The following HAUS7 variants were observed in gnomAD, a reference collection of about 807,000 sequenced individuals.
HAUS7 encodes the protein HAUS augmin like complex subunit 7, also known as HAUS augmin-like complex subunit 7.
In HAUS7, 3 loss-of-function variants were observed where a neutral mutation model predicts 28.4. The observed-to-expected ratio is 0.11, with a 90% CI of 0.05 to 0.27. The LOEUF (loss-of-function observed/expected upper bound fraction) is 0.27, where lower values mean the gene tolerates loss of function less well. Among genes scored for constraint, HAUS7 ranks in the 10% least tolerant of loss-of-function variants. The probability of loss-of-function intolerance (pLI) is 1.00; values close to 1 mark genes in which losing one functional copy is unlikely to be tolerated. For synonymous variants in HAUS7, 165 were observed against 132.1 expected (o/e 1.25, Z -1.71); for missense variants, 284 against 297.3 (o/e 0.96, Z 0.33).
chrX:153,477,358 G>A (rs782133974), intron 1 of HAUS7, among the ~76,000 whole-genome samples: 10 of 113,253 alleles, frequency 8.8e-5, no homozygotes, highest in African/African-American at 1.3e-4. Flanking sequence ...GAGGGGCGGA[G>A]CCGGGGTTCC....
At chrX:153,468,082 G>A (rs373175138) in intron 2 of HAUS7, among the ~76,000 whole-genome samples, 2 of 112,398 alleles carry the variant, frequency 1.8e-5, no homozygotes, top group Middle Eastern at 4.6e-3. Context: ...CTGAGGAAGG[G>A]CCTAGAAGGC....
At position 153,455,911 on chromosome X, in the gene HAUS7, A is replaced by G. The variant is rs1247620036; in HGVS notation, c.706-145T>C. On this transcript the variant is annotated intron_variant, in intron 7 of 9. Transcript: ENST00000370211. Reference sequence around the variant, plus strand: ...ACAGGGGAGCTGTACCGAGCGACTCAGGCCAGAGCAAGACCTTCTGGCTCC... The same window carrying G: ...ACAGGGGAGCTGTACCGAGCGACTCGGGCCAGAGCAAGACCTTCTGGCTCC... The G allele has an allele frequency of 1.6e-5, 7 of 450,766 alleles. No homozygotes were observed. The East Asian group carries it at 2.6e-4, about 17-fold the overall frequency. The allele number at this position is 450,766 out of a possible 1,213,427, so 37.1% of individuals were successfully genotyped here.
chrX:153,469,135 T>C lies in HAUS7; in HGVS notation c.224+11A>G, dbSNP rs934362137. ...ACCCCAGGTGGGAAGAGGAAGAAAC[T>C]GATGCATTACCGGGTACACATCCAC... On this transcript the variant is annotated intron_variant, in intron 2 of 9. Coordinates refer to ENST00000370211, the MANE Select transcript of HAUS7 (RefSeq NM_001385482.1). The C allele has an allele frequency of 5.0e-6, 5 of 1,006,222 alleles. 1 individual carries two copies. In the South Asian group the frequency reaches 9.6e-5, roughly 19 times the overall value. 82.9% of individuals were successfully genotyped at this position (1,006,222 alleles called of 1,213,427 possible).
At chrX:153,492,375 G>A (rs908114405) in intron 1 of HAUS7, among the ~76,000 whole-genome samples, 1 of 111,758 alleles carries the variant, frequency 8.9e-6, no homozygotes, top group Non-Finnish European at 1.9e-5. Context: ...GTCTGGTCTG[G>A]GAGTGGCCCC....
At chrX:153,457,085 G>A in intron 5 of HAUS7, 52 bp downstream of exon 5, 2 of 816,244 alleles carry the variant, frequency 2.5e-6, no homozygotes. Context: ...TCCAGAACTA[G>A]GACCAAGAGA....
At chrX:153,461,435 ACT>A (rs1293084694) in intron 4 of HAUS7, 1 of 108,087 alleles carries the variant, frequency 9.3e-6, no homozygotes, top group Admixed American at 1.0e-4. Flanking sequence ...GCCTGTGGAG[ACT>A]CTCTGTACTT....
At chrX:153,456,705 C>G (rs2089317158) in intron 5 of HAUS7, 54 bp from the exon 6 acceptor site, 1 of 1,002,389 alleles carries the variant, frequency 1.0e-6, no homozygotes, top group African/African-American at 1.9e-5. Context: ...ACTCGCCCAG[C>G]AGGCCCTCAG....
chrX:153,494,245 T>A (rs1556990195), intron 1 of HAUS7, among the ~76,000 whole-genome samples: 3 of 112,301 alleles, frequency 2.7e-5, no homozygotes, highest in Non-Finnish European at 5.6e-5. Context: ...ACAGAGTGGT[T>A]CTCATGTCCG....
At chrX:153,477,948 C>A (rs782685661) in intron 1 of HAUS7, among the ~76,000 whole-genome samples, 2 of 112,434 alleles carry the variant, frequency 1.8e-5, no homozygotes, top group Non-Finnish European at 3.8e-5. Flanking sequence ...AGCCCTGCAC[C>A]CCTCTGGATC....
chrX:153,450,156 T>G (rs546259752), intron 9 of HAUS7, among the ~76,000 whole-genome samples: 4 of 110,922 alleles, frequency 3.6e-5, no homozygotes, highest in African/African-American at 1.3e-4. Context: ...TTTGGAGGAG[T>G]TCCATGGAGG....
In HAUS7 at chrX:153,486,102, GC is replaced by G. The variant is rs1270230790; in HGVS notation, c.-589+9271del. On this transcript the variant is annotated intron_variant, in intron 1 of 5. Coordinates refer to the HAUS7 transcript ENST00000370210. Reference sequence around the variant, plus strand: ...CTGAGCCACAACAGGATCAGGTAGGGCCCCCCTCCTCGACCCCACACCTGTG... The same window carrying G: ...CTGAGCCACAACAGGATCAGGTAGGGCCCCCTCCTCGACCCCACACCTGTG... 1.9e-5 allele frequency: 18 copies of G among 936,546 alleles called. No homozygotes were observed. The South Asian group carries it at 3.4e-4, about 18-fold the overall frequency. 77.2% of individuals were successfully genotyped at this position (936,546 alleles called of 1,213,427 possible). A position where few individuals can be genotyped will look rare whatever the true frequency, so the allele number is the denominator to read the frequency against.
chrX:153,463,731 G>A (rs1407639297), intron 3 of HAUS7, among the ~76,000 whole-genome samples: 2 of 112,692 alleles, frequency 1.8e-5, no homozygotes, highest in Non-Finnish European at 3.8e-5. Flanking sequence ...CCTCCTTCTT[G>A]TGCCTCCAAG....
intron 4 of HAUS7, among the ~76,000 whole-genome samples, chrX:153,458,634 C>G (rs781846376): frequency 2.7e-5 from 3 of 112,140 alleles, no homozygotes; most frequent in Non-Finnish European, 5.6e-5. Flanking sequence ...TGCTGGGTCA[C>G]GGGGTAACTG....
Position 153,479,350 on chromosome X carries a change from CT to C in HAUS7, c.-588-8206del, listed in dbSNP as rs782261726. On this transcript the variant is annotated intron_variant, in intron 1 of 5. Transcript: ENST00000370210. The stretch of plus-strand genomic sequence containing the variant: ...ACCAACCCCCATGGGCTTGGCTACC[CT>C]GCAGCTGCTGCCCAGCCCACCAGGG... 229 of 753,465 alleles carry C rather than the reference CT, an allele frequency of 3.0e-4. No individual in the cohort carries two copies. The African/African-American group carries it at 4.9e-3, about 16-fold the overall frequency. 62.1% of individuals were successfully genotyped at this position (753,465 alleles called of 1,213,427 possible). A position where few individuals can be genotyped will look rare whatever the true frequency, so the allele number is the denominator to read the frequency against.
chrX:153,486,399 C>T (rs1439407077), intron 1 of HAUS7, among the ~76,000 whole-genome samples: 2 of 112,618 alleles, frequency 1.8e-5, no homozygotes, highest in African/African-American at 6.4e-5. Context: ...GGGCTCCAGC[C>T]TGGAGCGACA....
At chrX:153,459,796 G>C (rs1360781735) in intron 4 of HAUS7, among the ~76,000 whole-genome samples, 10 of 112,448 alleles carry the variant, frequency 8.9e-5, no homozygotes, top group Non-Finnish European at 1.9e-4. Flanking sequence ...TGGGAGGATT[G>C]CCTGAGCCCA....
intron 4 of HAUS7, among the ~76,000 whole-genome samples, chrX:153,459,513 C>T (rs983689295): frequency 9.0e-6 from 1 of 111,335 alleles, no homozygotes; most frequent in African/African-American, 3.3e-5. Flanking sequence ...TGAAGGGTGC[C>T]TGTCTACTGC....
At chrX:153,482,107 C>T (rs1214590407) in intron 1 of HAUS7, among the ~76,000 whole-genome samples, 1 of 112,224 alleles carries the variant, frequency 8.9e-6, no homozygotes, top group African/African-American at 3.2e-5. Context: ...TGACGTGTTC[C>T]ATCGCTGGGA....
At position 153,454,449 on chromosome X, in the gene HAUS7, C is replaced by T. The variant is rs2089276926; in HGVS notation, c.990G>A (p.Lys330=). ...DTSAKAVETV[K]KQQGEQICWG... ...AGCAGATCTGCTCGCCTTGCTGCTT[C>T]TTCACGGTCTCCACGGCCTTCGCAG... Residue 330 remains lysine, a synonymous_variant, in exon 9 of 10, where the codon AAG becomes AAA. Coordinates refer to ENST00000370211, the MANE Select transcript of HAUS7 (RefSeq NM_001385482.1). The T allele has an allele frequency of 4.4e-6, 5 of 1,123,705 alleles. No homozygotes were observed. The highest frequency in any genetic ancestry group is 5.9e-6 in the Non-Finnish European group (5 of 847,207). 92.6% of individuals were successfully genotyped at this position (1,123,705 alleles called of 1,213,427 possible). A position where few individuals can be genotyped will look rare whatever the true frequency, so the allele number is the denominator to read the frequency against.
Sources: gnomAD v4.1 joint callset for allele counts (sites outside exome capture counted in the v4.1 genomes callset) on GRCh38, gnomAD v4.1.1 for gene constraint, MANE v1.5 for transcripts, NCBI Gene and HGNC (gene_info 2026-07-23, HGNC 2026-07-21) for gene names.